Variants in ZFHX3 observed in about 807,000 individuals in gnomAD.
The protein encoded by ZFHX3 is zinc finger homeobox protein 3.
Under a neutral mutation model 279.1 loss-of-function variants are expected in ZFHX3, and 42 were observed. The ratio of observed to expected loss-of-function variants is 0.15; its 90% CI spans 0.12 to 0.19. The LOEUF (loss-of-function observed/expected upper bound fraction) is 0.19. ZFHX3 is among the 10% of genes least tolerant of loss of function. The probability of loss-of-function intolerance (pLI) is 1.00; values close to 1 mark genes in which losing one functional copy is unlikely to be tolerated. For synonymous variants in ZFHX3, 2,293 were observed against 1,957.8 expected, an observed-to-expected ratio of 1.17 and a Z score of -4.52; for missense variants, 4,981 against 4,754.0, an observed-to-expected ratio of 1.05 and a Z score of -1.40.
At chr16:73,264,636 G>A (rs2144972247) in intron 4 of ZFHX3, among the ~76,000 whole-genome samples, 1 of 151,780 alleles carries the variant, frequency 6.6e-6, no homozygotes, top group South Asian at 2.1e-4. Flanking sequence ...TGGTTACATG[G>A]GCAAGTTCTT....
intron 3 of ZFHX3, among the ~76,000 whole-genome samples, chr16:73,358,533 C>A (rs576102992): frequency 3.2e-4 from 49 of 152,350 alleles, no homozygotes; most frequent in African/African-American, 1.2e-3. Flanking sequence ...CCAAATGTAA[C>A]CTTGTGAGGA....
intron 1 of ZFHX3, among the ~76,000 whole-genome samples, chr16:73,719,720 G>A (rs991056158): frequency 3.9e-5 from 6 of 151,996 alleles, no homozygotes; most frequent in African/African-American, 1.2e-4. Flanking sequence ...TGCAACCTCC[G>A]CCTCCGGGGT....
chr16:72,929,655 G>A (rs569144666), intron 3 of ZFHX3, among the ~76,000 whole-genome samples: 4 of 152,312 alleles, frequency 2.6e-5, no homozygotes, highest in East Asian at 1.9e-4. Flanking sequence ...GGGGCCACGC[G>A]GGCTGCGACA....
intron 3 of ZFHX3, chr16:73,400,994 T>A (rs1040868036): frequency 1.8e-4 from 28 of 152,158 alleles, no homozygotes; most frequent in African/African-American, 5.8e-4. Context: ...GCCAGGTCTG[T>A]CTGGCTCCGG....
chr16:73,160,390 C>G (rs1354753348), intron 5 of ZFHX3, among the ~76,000 whole-genome samples: 3 of 152,190 alleles, frequency 2.0e-5, no homozygotes, highest in Non-Finnish European at 4.4e-5. Context: ...AAGGTTGTTT[C>G]TAGCATGTTG....
At chr16:73,527,586 T>C (rs927656836) in intron 2 of ZFHX3, among the ~76,000 whole-genome samples, 15 of 152,190 alleles carry the variant, frequency 9.9e-5, no homozygotes, top group Non-Finnish European at 2.9e-5. Context: ...TCGAATAGAA[T>C]ATGGCAAATG....
chr16:72,812,359 C>G (rs2036481839), intron 5 of ZFHX3, among the ~76,000 whole-genome samples: 1 of 145,016 alleles, frequency 6.9e-6, no homozygotes, highest in South Asian at 2.5e-4. Context: ...ATACAATCTG[C>G]TGGCTTGTGG....
At chr16:72,858,105 C>T (rs949355177) in intron 4 of ZFHX3, among the ~76,000 whole-genome samples, 2 of 152,190 alleles carry the variant, frequency 1.3e-5, no homozygotes, top group Non-Finnish European at 2.9e-5. Flanking sequence ...GGTGGGCTTG[C>T]TTCCCTTGGT....
At chr16:73,419,207 G>A (rs139595832) in intron 3 of ZFHX3, among the ~76,000 whole-genome samples, 4 of 152,154 alleles carry the variant, frequency 2.6e-5, no homozygotes, top group African/African-American at 9.7e-5. Flanking sequence ...ATTATTGAGT[G>A]ACTTTTATGG....
chr16:73,489,195 G>A (rs1366129821), intron 2 of ZFHX3, among the ~76,000 whole-genome samples: 1 of 152,168 alleles, frequency 6.6e-6, no homozygotes, highest in Non-Finnish European at 1.5e-5. Flanking sequence ...TTGAATCTGG[G>A]AGGGAGAGAA....
At chr16:73,695,363 A>G (rs552681281) in intron 1 of ZFHX3, among the ~76,000 whole-genome samples, 1 of 151,736 alleles carries the variant, frequency 6.6e-6, no homozygotes, top group Admixed American at 6.6e-5. Flanking sequence ...CAGCCTCCCA[A>G]GTAGCTGAGA....
intron 4 of ZFHX3, among the ~76,000 whole-genome samples, chr16:73,289,080 G>C (rs2014704528): frequency 6.6e-6 from 1 of 151,250 alleles, no homozygotes; most frequent in African/African-American, 2.4e-5. Flanking sequence ...AAGGAAAGCA[G>C]AAAGTGTATG....
chr16:72,787,165 T>C lies in ZFHX3; in HGVS notation c.11111A>G (p.Ter3704=), dbSNP rs908916847. 5 of 1,518,558 alleles carry C rather than the reference T, an allele frequency of 3.3e-6. No individual in the cohort carries two copies. The Admixed American group carries it at 6.1e-5, about 19-fold the overall frequency. The allele number at this position is 1,518,558 out of a possible 1,614,324, so 94.1% of individuals were successfully genotyped here. Residue 3704 remains the stop codon, a stop_retained_variant, in exon 10 of 10, where the codon TAA becomes TGA. Coordinates refer to ENST00000268489, the MANE Select transcript of ZFHX3 (RefSeq NM_006885.4). ...GTTTGTATTGTTCATCTTCAAAGCT[T>C]ACAATCTGAAGGTGTCCGTTCCTAC... ...TSVGTDTFRL[*]
intron 4 of ZFHX3, among the ~76,000 whole-genome samples, chr16:72,843,600 GT>G (rs1366099825): frequency 6.7e-6 from 1 of 150,026 alleles, no homozygotes; most frequent in Non-Finnish European, 1.5e-5. Flanking sequence ...CATCAGCTGT[GT>G]AGGGAAGAAG....
At chr16:73,843,514 G>C (rs2142372283) in intron 1 of ZFHX3, among the ~76,000 whole-genome samples, 1 of 152,298 alleles carries the variant, frequency 6.6e-6, no homozygotes, top group Non-Finnish European at 1.5e-5. Context: ...AGAGAATCAA[G>C]AAATTGACAT....
chr16:73,397,459 G>A (rs531818104), intron 3 of ZFHX3, among the ~76,000 whole-genome samples: 2 of 152,140 alleles, frequency 1.3e-5, no homozygotes, highest in African/African-American at 2.4e-5. Flanking sequence ...TTTAAAGTGG[G>A]TATAGGCATG....
intron 1 of ZFHX3, among the ~76,000 whole-genome samples, chr16:72,992,995 G>C (rs1028320804): frequency 6.6e-6 from 1 of 152,186 alleles, no homozygotes; most frequent in African/African-American, 2.4e-5. Flanking sequence ...AAATTAGCCG[G>C]GCATGGCGCT....
intron 2 of ZFHX3, among the ~76,000 whole-genome samples, chr16:73,580,520 A>AAAG (rs2051850573): frequency 1.3e-5 from 2 of 151,960 alleles, no homozygotes; most frequent in Admixed American, 1.3e-4. Context: ...AAAAAAAAAA[A>AAAG]ACAGAGAAAT....
chr16:73,187,997 G>A (rs1967953216), intron 5 of ZFHX3, among the ~76,000 whole-genome samples: 1 of 152,038 alleles, frequency 6.6e-6, no homozygotes, highest in Non-Finnish European at 1.5e-5. Context: ...TAGTAGCTGG[G>A]ACTACAGGCG....
Sources: allele counts gnomAD v4.1 joint callset (sites outside exome capture counted in the v4.1 genomes callset), GRCh38; gene constraint gnomAD v4.1.1; transcripts MANE v1.5; gene names NCBI Gene and HGNC (gene_info 2026-07-23, HGNC 2026-07-21).